TBCD: variants seen among roughly 807,000 people sequenced by gnomAD.
TBCD encodes tubulin folding cofactor D, also known as tubulin-specific chaperone D.
A neutral mutation model predicts 169.3 loss-of-function variants in TBCD; 105 were observed. The ratio of observed to expected loss-of-function variants is 0.62; its 90% CI spans 0.53 to 0.73. The LOEUF is 0.73. TBCD is among the 30% of genes least tolerant of loss of function. The pLI is 0.00. For missense variants in TBCD, 1,444 were observed against 1,600.1 expected (o/e 0.90, Z 1.66); for synonymous variants, 700 against 643.9 (o/e 1.09, Z -1.32).
At chr17:82,818,312 A>C (rs2052111478) in intron 13 of TBCD, among the ~76,000 whole-genome samples, 1 of 152,206 alleles carries the variant, frequency 6.6e-6, no homozygotes, top group African/African-American at 2.4e-5. Flanking sequence ...CTGTCTCTGC[A>C]CAGGGCAAGG....
intron 13 of TBCD, among the ~76,000 whole-genome samples, chr17:82,863,656 C>T (rs768962845): frequency 2.6e-5 from 4 of 152,142 alleles, no homozygotes; most frequent in Non-Finnish European, 5.9e-5. Flanking sequence ...CATCAGTGCC[C>T]CTGAGCTCAG....
intron 17 of TBCD, among the ~76,000 whole-genome samples, chr17:82,896,194 T>C (rs930895350): frequency 1.3e-5 from 2 of 152,116 alleles, no homozygotes; most frequent in African/African-American, 4.8e-5. Context: ...CAGTGGGCAC[T>C]CTCCTCACTC....
intron 12 of TBCD, among the ~76,000 whole-genome samples, chr17:82,813,661 G>A (rs1302397534): frequency 2.0e-5 from 3 of 152,346 alleles, no homozygotes; most frequent in Admixed American, 2.0e-4. Flanking sequence ...AGTTCATTCA[G>A]ATGTTAACTA....
intron 13 of TBCD, among the ~76,000 whole-genome samples, chr17:82,842,203 G>A (rs1392999624): frequency 1.3e-5 from 2 of 152,230 alleles, no homozygotes; most frequent in Admixed American, 1.3e-4. Flanking sequence ...TTGCCATGGA[G>A]GGTCCAGTGA....
chr17:82,756,159 T>A lies in TBCD; in HGVS notation c.185-6T>A. On this transcript the variant is annotated splice_polypyrimidine_tract_variant and splice_region_variant and intron_variant, in intron 1 of 38. Transcript: ENST00000355528. ...TAATTAATTTTCATGTTATATTTGT[T>A]TTTAGTAATAATGGACAAATACCAG... is the stretch of plus-strand genomic sequence containing the variant. 2 of 1,603,972 alleles carry A rather than the reference T, an allele frequency of 1.2e-6. No individual in the cohort carries two copies. The highest frequency in any genetic ancestry group is 3.4e-5 in the Admixed American group (2 of 58,758).
intron 34 of TBCD, among the ~76,000 whole-genome samples, chr17:82,936,919 C>T (rs1042528439): frequency 2.0e-5 from 3 of 152,224 alleles, no homozygotes; most frequent in African/African-American, 7.2e-5. Flanking sequence ...GCCAGGTAGC[C>T]TCTGGAGGGA....
chr17:82,925,723 G>A (rs1027640595), intron 27 of TBCD, among the ~76,000 whole-genome samples: 6 of 152,188 alleles, frequency 3.9e-5, no homozygotes, highest in African/African-American at 7.2e-5. Context: ...CTCGCATGTG[G>A]GGGTTTATCC....
rs1435018239 is a variant in TBCD at position 82,922,312 on chromosome 17, G to A, written c.2178+735G>A. Reference sequence around the variant, plus strand: ...GGAGGCGAAGGTTGCAGTGAACCGAGATCACGCCATTGCACTCCAGCCTGG... The same window carrying A: ...GGAGGCGAAGGTTGCAGTGAACCGAAATCACGCCATTGCACTCCAGCCTGG... On this transcript the variant is annotated intron_variant, in intron 25 of 38. Coordinates refer to ENST00000355528, the MANE Select transcript of TBCD (RefSeq NM_005993.5). The surrounding 1 kb of genome is among the most constrained non-coding windows in gnomAD (Gnocchi z 4.1). Among the ~76,000 whole-genome samples, 1 of 152,142 alleles carries A rather than the reference G, an allele frequency of 6.6e-6. No homozygotes were observed. Among genetic ancestry groups the A allele is most frequent in the Admixed American group, 6.6e-5 (1 of 15,266 alleles).
At chr17:82,834,562 C>T (rs750411500) in intron 13 of TBCD, among the ~76,000 whole-genome samples, 15 of 152,114 alleles carry the variant, frequency 9.9e-5, no homozygotes, top group South Asian at 2.1e-4. Context: ...TCATGTCCTT[C>T]GCAGGGAGAA....
chr17:82,856,735 C>T (rs147369510), intron 13 of TBCD, among the ~76,000 whole-genome samples: 277 of 148,806 alleles, frequency 1.9e-3, no homozygotes, highest in African/African-American at 6.7e-3. Flanking sequence ...ATCGCTGGAC[C>T]GCGTGCGGAC....
intron 30 of TBCD, among the ~76,000 whole-genome samples, chr17:82,928,874 A>G (rs369791923): frequency 6.6e-6 from 1 of 152,168 alleles, no homozygotes; most frequent in Non-Finnish European, 1.5e-5. Flanking sequence ...ACAAGTACGT[A>G]GCATGTATTT....
Position 82,945,342 on chromosome 17 carries a change from T to G in TBCD, c.*2879T>G, listed in dbSNP as rs1309228329. On this transcript the variant is annotated 3_prime_UTR_variant, in exon 39 of 39. Transcript: ENST00000355528. ...TCAGAATGAAATGAAATGATGCAGA[T>G]ATTCCATACTGACATGCAACAGTCC... 6.6e-6 allele frequency: 1 copy of G among 152,246 alleles called. No individual in the cohort carries two copies. Among genetic ancestry groups the G allele is most frequent in the Non-Finnish European group, 1.5e-5 (1 of 68,044 alleles). The allele number at this position is 152,246 out of a possible 1,614,324, so 9.4% of individuals were successfully genotyped here.
chr17:82,933,271 G>GCCTTTTTTT (rs1307513773), intron 34 of TBCD, among the ~76,000 whole-genome samples: 1 of 81,606 alleles, frequency 1.2e-5, no homozygotes, highest in African/African-American at 4.2e-5. Flanking sequence ...TGTTGGGCCA[G>GCCTTTTTTT]TCTTTTTTTT....
chr17:82,792,292 A>G (rs2049790785), intron 7 of TBCD, among the ~76,000 whole-genome samples: 1 of 149,118 alleles, frequency 6.7e-6, no homozygotes, highest in Non-Finnish European at 1.5e-5. Flanking sequence ...TGGGTGACAG[A>G]GCGAGACTCC....
At chr17:82,793,312 C>G (rs907247672) in intron 7 of TBCD, among the ~76,000 whole-genome samples, 3 of 152,106 alleles carry the variant, frequency 2.0e-5, no homozygotes, top group Non-Finnish European at 2.9e-5. Context: ...CCACCAGTGC[C>G]CCCTAGGCCC....
chr17:82,930,220 T>A lies in TBCD; in HGVS notation c.2992-302T>A. The stretch of plus-strand genomic sequence containing the variant: ...CGGGGATTATCAAATCCCGCTTCAG[T>A]GGGAAACGTGAGCGAAACCCAAGGT... On this transcript the variant is annotated intron_variant, in intron 32 of 38. Transcript: ENST00000355528. This position sits in a 1 kb window ranked among gnomAD's most constrained non-coding sequence, Gnocchi z 5.2. The A allele has an allele frequency of 2.4e-6, 1 of 411,268 alleles. No homozygotes were observed. Among genetic ancestry groups the A allele is most frequent in the Non-Finnish European group, 4.4e-6 (1 of 226,416 alleles). The allele number at this position is 411,268 out of a possible 1,614,324, so 25.5% of individuals were successfully genotyped here. A position where few individuals can be genotyped will look rare whatever the true frequency, so the allele number is the denominator to read the frequency against.
At chr17:82,941,842 C>T (rs1012274566) in intron 38 of TBCD, 38 of 299,182 alleles carry the variant, frequency 1.3e-4, no homozygotes, top group Non-Finnish European at 2.1e-4. Flanking sequence ...TGAGTGGGGC[C>T]GGGGCTGGGT....
chr17:82,850,152 G>C (rs775617283), intron 13 of TBCD, among the ~76,000 whole-genome samples: 4,564 of 37,432 alleles, frequency 0.12, 2,112 homozygotes, highest in East Asian at 0.19. Context: ...GCTGTTGTTG[G>C]CTGTGCTGTT....
At chr17:82,788,998 C>A (rs1367369392) in intron 7 of TBCD, among the ~76,000 whole-genome samples, 1 of 152,214 alleles carries the variant, frequency 6.6e-6, no homozygotes, top group Non-Finnish European at 1.5e-5. Flanking sequence ...CAGCACCCTA[C>A]TGTTTCATTT....
Sources: gnomAD v4.1 joint callset for allele counts (sites outside exome capture counted in the v4.1 genomes callset) on GRCh38, gnomAD v4.1.1 for gene constraint, Gnocchi (gnomAD v3.1) non-coding constraint, MANE v1.5 for transcripts, NCBI Gene and HGNC (gene_info 2026-07-23, HGNC 2026-07-21) for gene names.